PVT1: variants seen among roughly 807,000 people sequenced by gnomAD.
PVT1 encodes CXCR4/PVT1 fusion.
At chr8:128,027,805 T>TCC (rs1813330505) in intron 4 of PVT1, among the ~76,000 whole-genome samples, 1 of 152,168 alleles carries the variant, frequency 6.6e-6, no homozygotes, top group Non-Finnish European at 1.5e-5. Flanking sequence ...TCAATGAATT[T>TCC]CCCAGAATGC....
intron 2 of PVT1, among the ~76,000 whole-genome samples, chr8:127,885,259 AATGATAGATCCGTC>A (rs1220735620): frequency 6.6e-6 from 1 of 151,872 alleles, no homozygotes; most frequent in Non-Finnish European, 1.5e-5. Context: ...TTGATGTGAG[AATGATAGATCCGTC>A]AAGCTCTTAA....
intron 5 of PVT1, among the ~76,000 whole-genome samples, chr8:128,093,639 C>A (rs570365713): frequency 6.6e-6 from 1 of 151,906 alleles, no homozygotes; most frequent in South Asian, 2.1e-4. Context: ...GGGCTCTGCA[C>A]ATTTTTTTCT....
At chr8:127,934,319 A>G (rs1816245816) in intron 3 of PVT1, among the ~76,000 whole-genome samples, 1 of 152,216 alleles carries the variant, frequency 6.6e-6, no homozygotes, top group African/African-American at 2.4e-5. Flanking sequence ...GGTGATAAAT[A>G]AGACAGCCTC....
intron 3 of PVT1, among the ~76,000 whole-genome samples, chr8:127,916,690 G>C (rs1309421381): frequency 2.6e-5 from 4 of 152,216 alleles, no homozygotes; most frequent in Non-Finnish European, 4.4e-5. Flanking sequence ...TGAGGCGTGT[G>C]ATCCAGGTGA....
intron 2 of PVT1, among the ~76,000 whole-genome samples, chr8:127,838,765 C>T (rs1169981972): frequency 6.6e-6 from 1 of 152,184 alleles, no homozygotes; most frequent in Non-Finnish European, 1.5e-5. Context: ...GTGCCAGACA[C>T]TATTCTAGGT....
chr8:128,013,139 C>T (rs1441964882), intron 4 of PVT1, among the ~76,000 whole-genome samples: 1 of 152,166 alleles, frequency 6.6e-6, no homozygotes, highest in Non-Finnish European at 1.5e-5. Flanking sequence ...TACTGCAACT[C>T]TTGTTTTTAC....
intron 3 of PVT1, among the ~76,000 whole-genome samples, chr8:127,892,276 T>C (rs2129806922): frequency 6.6e-6 from 1 of 152,372 alleles, no homozygotes; most frequent in South Asian, 2.1e-4. Context: ...TGCAATTTAC[T>C]GGGTTTCCTG....
intron 3 of PVT1, among the ~76,000 whole-genome samples, chr8:127,926,381 C>T (rs368266448): frequency 6.6e-6 from 1 of 152,228 alleles, no homozygotes; most frequent in African/African-American, 2.4e-5. Context: ...GCTGCCGAGA[C>T]GGCGGCTGCT....
At chr8:128,050,455 C>T (rs1470436085) in intron 4 of PVT1, among the ~76,000 whole-genome samples, 1 of 152,184 alleles carries the variant, frequency 6.6e-6, no homozygotes, top group Non-Finnish European at 1.5e-5. Flanking sequence ...AGACTGAATG[C>T]CTCCGAGCCT....
At chr8:128,059,982 C>T (rs545788956) in intron 4 of PVT1, among the ~76,000 whole-genome samples, 6 of 152,118 alleles carry the variant, frequency 3.9e-5, no homozygotes, top group Admixed American at 1.3e-4. Flanking sequence ...AGAGGCTGGG[C>T]GTGGTGGCTC....
chr8:127,805,386 A>T (rs1372472664), intron 2 of PVT1, among the ~76,000 whole-genome samples: 2 of 151,938 alleles, frequency 1.3e-5, no homozygotes. Context: ...ACAAATTCTC[A>T]GTCCTAGGAT....
In PVT1 at chr8:127,827,121, A is replaced by C. The variant is rs546877711; in HGVS notation, n.372+31050A>C. Among the ~76,000 whole-genome samples, 44 of 147,144 alleles carry C rather than the reference A, an allele frequency of 3.0e-4. No individual in the cohort carries two copies. The East Asian group carries it at 8.6e-3, about 29-fold the overall frequency. The stretch of plus-strand genomic sequence containing the variant: ...AGCGATTCTCCTGCCTCAGTCTCCC[A>C]AGTAGCTGGGATTATAGGCATGTGC... On this transcript the variant is annotated intron_variant and non_coding_transcript_variant, in intron 2 of 10. Coordinates refer to ENST00000651587, the Ensembl canonical transcript of PVT1.
intron 3 of PVT1, among the ~76,000 whole-genome samples, chr8:127,922,981 G>T (rs987403588): frequency 6.6e-6 from 1 of 152,206 alleles, no homozygotes; most frequent in Non-Finnish European, 1.5e-5. Flanking sequence ...CAGCAAAACT[G>T]CTAAGCCCTG....
At chr8:127,829,790 A>G (rs756004979) in intron 2 of PVT1, among the ~76,000 whole-genome samples, 46 of 152,336 alleles carry the variant, frequency 3.0e-4, no homozygotes, top group Non-Finnish European at 4.1e-4. Context: ...CAAATTAGCA[A>G]TGGGCTCCTT....
chr8:127,951,677 G>A (rs1270607637), intron 3 of PVT1, among the ~76,000 whole-genome samples: 1 of 152,168 alleles, frequency 6.6e-6, no homozygotes, highest in Admixed American at 6.5e-5. Context: ...TGTCCTTCAA[G>A]GGAAGAACTG....
intron 4 of PVT1, among the ~76,000 whole-genome samples, chr8:128,025,999 C>A (rs7815275): frequency 6.6e-6 from 1 of 151,846 alleles, no homozygotes; most frequent in African/African-American, 2.4e-5. Flanking sequence ...TTGTCCAGGC[C>A]GGAGTGCAAT....
chr8:127,889,779 G>T (rs1197705733), intron 2 of PVT1, among the ~76,000 whole-genome samples: 1 of 152,156 alleles, frequency 6.6e-6, no homozygotes, highest in Non-Finnish European at 1.5e-5. Context: ...GAAAACAGGG[G>T]CAGGCATCCC....
chr8:127,870,716 C>T (rs1441916901), intron 2 of PVT1, among the ~76,000 whole-genome samples: 1 of 152,170 alleles, frequency 6.6e-6, no homozygotes, highest in African/African-American at 2.4e-5. Context: ...GCTCCTTCTC[C>T]CACTTACTAG....
intron 3 of PVT1, among the ~76,000 whole-genome samples, chr8:127,972,489 C>T (rs1816775372): frequency 1.3e-5 from 2 of 152,182 alleles, no homozygotes; most frequent in Admixed American, 1.3e-4. Flanking sequence ...TTAAAAATAG[C>T]TGTGCGTTGG....
Sources: gnomAD v4.1 joint callset for allele counts (sites outside exome capture counted in the v4.1 genomes callset) on GRCh38, gnomAD v4.1.1 for gene constraint, MANE v1.5 for transcripts, NCBI Gene and HGNC (gene_info 2026-07-23, HGNC 2026-07-21) for gene names.